Variants in URI1 observed in about 807,000 individuals in gnomAD.
The protein encoded by URI1 is unconventional prefoldin RPB5 interactor 1.
URI1 carries 39 observed loss-of-function variants against 60.2 expected under a neutral mutation model. The ratio of observed to expected loss-of-function variants is 0.65; its 90% CI spans 0.50 to 0.85. URI1 has a LOEUF of 0.85. Ranked by LOEUF, URI1 falls within the 40% of genes least tolerant of loss-of-function variation. The pLI, the probability that URI1 is intolerant of heterozygous loss-of-function variation, is 0.00. For synonymous variants in URI1, 251 were observed against 236.8 expected, an observed-to-expected ratio of 1.06 and a Z score of -0.55; for missense variants, 691 against 665.9, an observed-to-expected ratio of 1.04 and a Z score of -0.42.
At position 30,016,133 on chromosome 19, in the gene URI1, G is replaced by A. The variant is rs574400395; in HGVS notation, c.*1064G>A. The A allele has an allele frequency of 1.3e-5, 2 of 152,180 alleles. No homozygotes were observed. Among genetic ancestry groups the A allele is most frequent in the South Asian group, 4.1e-4 (2 of 4,826 alleles). The allele number at this position is 152,180 out of a possible 1,614,324, so 9.4% of individuals were successfully genotyped here. A position where few individuals can be genotyped will look rare whatever the true frequency, so the allele number is the denominator to read the frequency against. Reference sequence around the variant, plus strand: ...ATGCCAGTCCACCCTCTCTATTCATGGCTAAATATTTAAAGGTTATTTATA... The same window carrying A: ...ATGCCAGTCCACCCTCTCTATTCATAGCTAAATATTTAAAGGTTATTTATA... On this transcript the variant is annotated 3_prime_UTR_variant, in exon 11 of 11. Transcript: ENST00000392271.
chr19:29,968,862 C>G (rs538649997), intron 1 of URI1, among the ~76,000 whole-genome samples: 1 of 151,586 alleles, frequency 6.6e-6, no homozygotes, highest in African/African-American at 2.4e-5. Context: ...TGAGCCACCG[C>G]GTCTGACCAA....
rs754502991 is a variant in URI1, at chr19:30,012,409, C to T, written c.1303C>T (p.Arg435Trp). 31 of 1,613,896 alleles carry T rather than the reference C, an allele frequency of 1.9e-5. No individual in the cohort carries two copies. The Admixed American group carries it at 4.0e-4, about 21-fold the overall frequency. ...CAGTGCTGCTGAATTTGATGATAGGCGGGGAGTTTTGAGGAGTATCAGCTG... is the reference window on the plus strand; with the variant it reads ...CAGTGCTGCTGAATTTGATGATAGGTGGGGAGTTTTGAGGAGTATCAGCTG... ...ESSAAEFDDR[R>W]GVLRSISCEE... Residue 435 changes from arginine (R) to tryptophan (W), a missense_variant, in exon 10 of 11, where the codon CGG becomes TGG. By Grantham distance (101) the Arg-to-Trp change is moderately radical. Coordinates refer to ENST00000392271, the MANE Select transcript of URI1 (RefSeq NM_003796.3).
chr19:30,011,202 C>G lies in URI1; in HGVS notation c.1144C>G (p.Leu382Val), dbSNP rs202176858. ...STGSGHSAQE[L>V]PTIRTPADIY... Reference sequence around the variant, plus strand: ...TGGCAGTGGCCACTCTGCCCAGGAGCTGCCGACCATCAGGACGCCTGCAGA... The same window carrying G: ...TGGCAGTGGCCACTCTGCCCAGGAGGTGCCGACCATCAGGACGCCTGCAGA... The change falls in exon 9 of 11, where the codon CTG becomes GTG. Residue 382 changes from leucine to valine, a missense_variant. Coordinates refer to ENST00000392271, the MANE Select transcript of URI1 (RefSeq NM_003796.3). The G allele has an allele frequency of 2.0e-5, 33 of 1,610,560 alleles. No homozygotes were observed. Among genetic ancestry groups the G allele is most frequent in the Non-Finnish European group, 2.7e-5 (32 of 1,178,766 alleles).
chr19:30,008,583 T>A (rs967489084), intron 7 of URI1, among the ~76,000 whole-genome samples: 2 of 152,092 alleles, frequency 1.3e-5, no homozygotes, highest in African/African-American at 4.8e-5. Context: ...CCTTTATTTT[T>A]AAAAATTACA....
At chr19:29,970,128 ATTTTT>A (rs199739403) in intron 1 of URI1, among the ~76,000 whole-genome samples, 2 of 74,564 alleles carry the variant, frequency 2.7e-5, no homozygotes, top group African/African-American at 9.6e-5. Flanking sequence ...AATCGTGTGT[ATTTTT>A]TTTTTTTTTT....
At chr19:29,942,188 TCGGGGGCGGGG>T, upstream of URI1, 1 of 980,570 alleles carries the variant, frequency 1.0e-6, no homozygotes, top group Non-Finnish European at 1.2e-6. Context: ...GCTGGGCGTG[TCGGGGGCGGGG>T]CCTGCGCGCT....
intron 1 of URI1, among the ~76,000 whole-genome samples, chr19:29,929,115 C>G (rs1568400103): frequency 6.6e-6 from 1 of 152,128 alleles, no homozygotes; most frequent in Non-Finnish European, 1.5e-5. Context: ...TGTATTGACA[C>G]AAATTTTCAA....
intron 4 of URI1, among the ~76,000 whole-genome samples, chr19:29,991,960 A>T (rs766320709): frequency 3.9e-5 from 6 of 152,080 alleles, no homozygotes; most frequent in Non-Finnish European, 5.9e-5. Flanking sequence ...GTATTCTTTC[A>T]TGTATTACTG....
At chr19:30,002,460 A>G (rs1387781236) in intron 4 of URI1, among the ~76,000 whole-genome samples, 1 of 151,990 alleles carries the variant, frequency 6.6e-6, no homozygotes, top group African/African-American at 2.4e-5. Context: ...CCAGTTCTGG[A>G]CAAAGATTCT....
chr19:29,957,101 CA>C (rs1263023454), intron 1 of URI1: 2 of 473,632 alleles, frequency 4.2e-6, no homozygotes, highest in Admixed American at 7.3e-5. Flanking sequence ...GATTTATCAG[CA>C]GGAAAACCGT....
intron 1 of URI1, among the ~76,000 whole-genome samples, chr19:29,968,414 G>C (rs2055415427): frequency 6.6e-6 from 1 of 151,792 alleles, no homozygotes; most frequent in Non-Finnish European, 1.5e-5. Flanking sequence ...CTGCCTTATG[G>C]TTACTTTTAA....
In URI1 at chr19:30,015,613, A is replaced by G. The variant is rs980709649; in HGVS notation, c.*544A>G. The G allele has an allele frequency of 8.6e-6, 13 of 1,516,244 alleles. No individual in the cohort carries two copies. The highest frequency in any genetic ancestry group is 2.8e-5 in the African/African-American group (2 of 72,144). The allele number at this position is 1,516,244 out of a possible 1,614,324, so 93.9% of individuals were successfully genotyped here. ...TGTAATCTTTAAGGAAGAAAGCTAC[A>G]TGAATTAATTGTACTCTATGGGAAA... On this transcript the variant is annotated 3_prime_UTR_variant, in exon 11 of 11. Transcript: ENST00000392271.
intron 1 of URI1, among the ~76,000 whole-genome samples, chr19:29,954,886 A>G (rs977881144): frequency 4.6e-5 from 7 of 151,756 alleles, no homozygotes; most frequent in Non-Finnish European, 1.0e-4. Context: ...ACATGTGTTC[A>G]CTTTATCTCC....
intron 2 of URI1, among the ~76,000 whole-genome samples, chr19:29,976,745 C>T (rs1212673912): frequency 2.0e-5 from 3 of 152,130 alleles, no homozygotes; most frequent in Non-Finnish European, 2.9e-5. Context: ...TACTTACAAT[C>T]GTAAATCGTA....
rs1343960935 is a variant in URI1 at position 30,015,498 on chromosome 19, TTTTAAAGGCACTTTAAA to T, written c.*430_*446del. On this transcript the variant is annotated 3_prime_UTR_variant, in exon 11 of 11. Transcript: ENST00000392271. ...AACAATTACATTACTTGCTTTCACA[TTTTAAAGGCACTTTAAA>T]AAAATCTACTTCTCTTGTAGGTTTT... 1 of 1,524,078 alleles carries T rather than the reference TTTTAAAGGCACTTTAAA, an allele frequency of 6.6e-7. No individual in the cohort carries two copies. The highest frequency in any genetic ancestry group is 1.2e-5 in the South Asian group (1 of 80,758). 94.4% of individuals were successfully genotyped at this position (1,524,078 alleles called of 1,614,324 possible).
At chr19:29,949,937 G>A (rs2055158685) in intron 1 of URI1, among the ~76,000 whole-genome samples, 1 of 151,378 alleles carries the variant, frequency 6.6e-6, no homozygotes, top group Admixed American at 6.6e-5. Context: ...GAGACGGGAG[G>A]GGGAGGGGGA....
intron 1 of URI1, among the ~76,000 whole-genome samples, chr19:29,955,346 G>A (rs1255019465): frequency 6.6e-6 from 1 of 152,034 alleles, no homozygotes; most frequent in Admixed American, 6.5e-5. Flanking sequence ...TGGGCATTTG[G>A]TGTTTTTTAG....
At chr19:29,995,726 T>G (rs1419758466) in intron 4 of URI1, among the ~76,000 whole-genome samples, 2 of 140,116 alleles carry the variant, frequency 1.4e-5, no homozygotes, top group East Asian at 2.0e-4. Flanking sequence ...CTTCCCTGTG[T>G]TTTTTTTTTT....
At position 30,005,425 on chromosome 19, in the gene URI1, C is replaced by T; in HGVS notation, c.432C>T (p.Phe144=). ...AAAATTTTGAATCCAGAGTTGAATTCACAGAAGATTTGCAGAAAATGAGCG... is the reference window on the plus strand; with the variant it reads ...AAAATTTTGAATCCAGAGTTGAATTTACAGAAGATTTGCAGAAAATGAGCG... ...VMKNFESRVE[F]TEDLQKMSDA... is the part of the protein sequence containing the mutation. The change falls in exon 5 of 11, where the codon TTC becomes TTT. Residue 144 remains phenylalanine (F), a synonymous_variant. Transcript: ENST00000392271. 6.2e-7 allele frequency: 1 copy of T among 1,600,992 alleles called. No homozygotes were observed. The highest frequency in any genetic ancestry group is 8.5e-7 in the Non-Finnish European group (1 of 1,175,452).
Sources: allele counts gnomAD v4.1 joint callset (sites outside exome capture counted in the v4.1 genomes callset), GRCh38; gene constraint gnomAD v4.1.1; transcripts MANE v1.5; gene names NCBI Gene and HGNC (gene_info 2026-07-23, HGNC 2026-07-21).